Variants in TMEM68 observed in about 807,000 individuals in gnomAD.
The protein encoded by TMEM68 is DGAT1/2-independent enzyme synthesizing storage lipids.
In TMEM68, 25 loss-of-function variants were observed where a neutral mutation model predicts 36.9. The ratio of observed to expected loss-of-function variants is 0.68; its 90% CI spans 0.49 to 0.95. TMEM68 has a LOEUF of 0.95. Ranked by LOEUF, TMEM68 falls within the 40% of genes least tolerant of loss-of-function variation. The pLI is 0.00. For synonymous variants in TMEM68, 131 were observed against 124.4 expected (o/e 1.05, Z -0.35); for missense variants, 333 against 392.0 (o/e 0.85, Z 1.27).
chr8:55,764,674 T>G (rs1002892538), intron 1 of TMEM68, among the ~76,000 whole-genome samples: 1 of 152,242 alleles, frequency 6.6e-6, no homozygotes, highest in African/African-American at 2.4e-5. Context: ...TAGCATTTAC[T>G]TGTGAGAAAT....
rs1221486018 is a variant in TMEM68 at position 55,751,024 on chromosome 8, A to C, written c.627T>G (p.Thr209=). 1 of 1,614,006 alleles carries C rather than the reference A, an allele frequency of 6.2e-7. No individual in the cohort carries two copies. Among genetic ancestry groups the C allele is most frequent in the Non-Finnish European group, 8.5e-7 (1 of 1,179,980 alleles). ...TGCGATGACCCCATACGATGTTATAAGTTTCATCACTAATTAGGGCTTCTC... is the reference window on the plus strand; with the variant it reads ...TGCGATGACCCCATACGATGTTATACGTTTCATCACTAATTAGGGCTTCTC... ...GVREALISDE[T]YNIVWGHRRG... The change falls in exon 5 of 8, where the codon ACT becomes ACG. Residue 209 remains threonine, a synonymous_variant. Transcript: ENST00000434581.
intron 5 of TMEM68, 30 bp from the exon 6 acceptor site, chr8:55,745,151 G>C (rs1166742609): frequency 7.9e-6 from 11 of 1,386,748 alleles, no homozygotes; most frequent in Non-Finnish European, 1.1e-5. Flanking sequence ...GAATTAAAAA[G>C]TAAATAAATT....
intron 3 of TMEM68, chr8:55,761,590 C>G (rs544153307): frequency 6.6e-6 from 1 of 152,230 alleles, no homozygotes; most frequent in East Asian, 1.9e-4. Flanking sequence ...TGAGTATAAT[C>G]GGGGTACCAC....
chr8:55,761,044 A>T (rs1810775124), intron 3 of TMEM68: 1 of 152,238 alleles, frequency 6.6e-6, no homozygotes, highest in South Asian at 2.1e-4. Flanking sequence ...AACTACTCAC[A>T]TAATACCAAA....
In TMEM68 at chr8:55,742,278, C is replaced by T. The variant is rs533158172; in HGVS notation, c.888+1203G>A. On this transcript the variant is annotated intron_variant, in intron 7 of 7. Coordinates refer to ENST00000434581, the MANE Select transcript of TMEM68 (RefSeq NM_001286657.2). ...GAAGTTGGTGTTCAACAGGTATAGTCCGTTTTGCAAGATGAAAAAATTCTA... is the reference window on the plus strand; with the variant it reads ...GAAGTTGGTGTTCAACAGGTATAGTTCGTTTTGCAAGATGAAAAAATTCTA... Among the ~76,000 whole-genome samples, 3 of 152,140 alleles carry T rather than the reference C, an allele frequency of 2.0e-5. No homozygotes were observed. In the South Asian group the frequency reaches 6.2e-4, roughly 32 times the overall value.
chr8:55,753,026 C>T (rs1456385187), intron 4 of TMEM68, among the ~76,000 whole-genome samples: 1 of 152,122 alleles, frequency 6.6e-6, no homozygotes, highest in Non-Finnish European at 1.5e-5. Flanking sequence ...CCATGGCACC[C>T]ACCCTAAAAT....
chr8:55,757,107 G>A (rs1310849903), intron 3 of TMEM68, among the ~76,000 whole-genome samples: 3 of 152,138 alleles, frequency 2.0e-5, no homozygotes, highest in Non-Finnish European at 4.4e-5. Flanking sequence ...TAAAAATACT[G>A]TACAGTATTA....
In TMEM68 at chr8:55,772,099, GT is replaced by G. The variant is rs573856445; in HGVS notation, c.-115+1169del. On this transcript the variant is annotated intron_variant, in intron 1 of 7. Transcript: ENST00000434581. The stretch of plus-strand genomic sequence containing the variant: ...GCTGCACATCTATACTGGTATATCT[GT>G]AACCGTGCAGCACTCTTACCTTCTT... Among the ~76,000 whole-genome samples, 128 of 152,258 alleles carry G rather than the reference GT, an allele frequency of 8.4e-4. 3 individuals are homozygous for G. The South Asian group carries it at 0.016, about 19-fold the overall frequency.
chr8:55,768,318 G>A (rs953708076), intron 1 of TMEM68, among the ~76,000 whole-genome samples: 3 of 152,062 alleles, frequency 2.0e-5, no homozygotes, highest in African/African-American at 7.2e-5. Flanking sequence ...AAAATGAATT[G>A]GAAACAGCAA....
At position 55,743,514 on chromosome 8, in the gene TMEM68, G is replaced by A; in HGVS notation, c.855C>T (p.Asp285=). 6.5e-7 allele frequency: 1 copy of A among 1,535,440 alleles called. No individual in the cohort carries two copies. The highest frequency in any genetic ancestry group is 8.7e-7 in the Non-Finnish European group (1 of 1,146,552). ...CTAATTCTTCCGCTGTTATCTGTGGGTCATACGGAATGGGGTCGCCTAAAT... is the reference window on the plus strand; with the variant it reads ...CTAATTCTTCCGCTGTTATCTGTGGATCATACGGAATGGGGTCGCCTAAAT... ...RTYLGDPIPY[D]PQITAEELAE... Residue 285 remains aspartate (D), a synonymous_variant, in exon 7 of 8, where the codon GAC becomes GAT. Transcript: ENST00000434581.
chr8:55,746,834 T>C (rs1585709196), intron 5 of TMEM68: 1 of 152,338 alleles, frequency 6.6e-6, no homozygotes, highest in African/African-American at 2.4e-5. Flanking sequence ...AGACGCCTAA[T>C]ATACTGCAAG....
chr8:55,744,601 C>T (rs957155873), intron 6 of TMEM68, among the ~76,000 whole-genome samples: 1 of 152,038 alleles, frequency 6.6e-6, no homozygotes, highest in Non-Finnish European at 1.5e-5. Context: ...GCCACCGCTC[C>T]CGGCCGCTAC....
At chr8:55,749,240 T>C (rs924422314) in intron 5 of TMEM68, among the ~76,000 whole-genome samples, 2 of 152,224 alleles carry the variant, frequency 1.3e-5, no homozygotes, top group African/African-American at 4.8e-5. Context: ...ATTTGTATTA[T>C]ATCAAAAAGT....
At chr8:55,771,259 T>C (rs1811148935) in intron 1 of TMEM68, among the ~76,000 whole-genome samples, 1 of 152,094 alleles carries the variant, frequency 6.6e-6, no homozygotes, top group Non-Finnish European at 1.5e-5. Context: ...CAAAAACTAA[T>C]AAATCAGAAC....
intron 5 of TMEM68, chr8:55,747,479 C>T (rs903675383): frequency 1.3e-5 from 2 of 152,114 alleles, no homozygotes; most frequent in African/African-American, 4.8e-5. Context: ...ATTATTTATA[C>T]ATATAAGTAA....
chr8:55,756,547 CCT>C (rs1164630240), intron 3 of TMEM68, 136 bp from the exon 4 acceptor site: 2 of 716,350 alleles, frequency 2.8e-6, no homozygotes, highest in Non-Finnish European at 2.1e-6. Flanking sequence ...CCCCTTCTTC[CCT>C]CTCTTTCCTC....
At chr8:55,749,772 G>A (rs1415476306) in intron 5 of TMEM68, among the ~76,000 whole-genome samples, 1 of 152,046 alleles carries the variant, frequency 6.6e-6, no homozygotes, top group Non-Finnish European at 1.5e-5. Context: ...TGTTGGGGTG[G>A]CACAATATTT....
At chr8:55,757,182 T>C (rs76951101) in intron 3 of TMEM68, among the ~76,000 whole-genome samples, 1,951 of 152,240 alleles carry the variant, frequency 0.013, 39 homozygotes, top group African/African-American at 0.045. Context: ...AGAAAAAGCC[T>C]GAAGTACAAA....
chr8:55,756,299 T>TATA lies in TMEM68; in HGVS notation c.435_437dup (p.Ile146dup), dbSNP rs1810607257. 3 of 1,607,816 alleles carry TATA rather than the reference T, an allele frequency of 1.9e-6. No individual in the cohort carries two copies. The highest frequency in any genetic ancestry group is 2.5e-6 in the Non-Finnish European group (3 of 1,178,470). On this transcript the variant is annotated inframe_insertion, in exon 4 of 8. Transcript: ENST00000434581. Reference sequence around the variant, plus strand: ...CTACTCGGCAAGTTCTGCCTTTGTGTATAAATATTTTAGCCATGAAATAGT... The same window carrying TATA: ...CTACTCGGCAAGTTCTGCCTTTGTGTATAATAAATATTTTAGCCATGAAATAGT...
Sources: gnomAD v4.1 joint callset for allele counts (sites outside exome capture counted in the v4.1 genomes callset) on GRCh38, gnomAD v4.1.1 for gene constraint, MANE v1.5 for transcripts, NCBI Gene and HGNC (gene_info 2026-07-23, HGNC 2026-07-21) for gene names.